RAB30: variants seen among roughly 807,000 people sequenced by gnomAD.
RAB30 encodes RAB30, member RAS oncogene family, also known as ras-related protein Rab-30.
In RAB30, 9 loss-of-function variants were observed where a neutral mutation model predicts 25.1. The observed-to-expected ratio is 0.36, with a 90% confidence interval of 0.22 to 0.63. The LOEUF is 0.63. Ranked by LOEUF, RAB30 falls within the 20% of genes least tolerant of loss-of-function variation. The pLI is 0.69. For missense variants in RAB30, 140 were observed against 243.5 expected, an observed-to-expected ratio of 0.58 and a Z score of 2.83; for synonymous variants, 77 against 86.4, an observed-to-expected ratio of 0.89 and a Z score of 0.60.
intron 1 of RAB30, among the ~76,000 whole-genome samples, chr11:83,056,165 AAAC>A (rs1858455810): frequency 6.6e-6 from 1 of 152,194 alleles, no homozygotes. Flanking sequence ...TACACCCACT[AAAC>A]AGCTTCCCAC....
At chr11:83,021,400 C>G (rs1366338558) in intron 1 of RAB30, among the ~76,000 whole-genome samples, 1 of 152,256 alleles carries the variant, frequency 6.6e-6, no homozygotes, top group East Asian at 1.9e-4. Flanking sequence ...CCTGTGGTTC[C>G]TGGTGCCTCC....
chr11:83,063,740 C>A (rs1343123913), intron 1 of RAB30, among the ~76,000 whole-genome samples: 2 of 152,186 alleles, frequency 1.3e-5, no homozygotes, highest in Non-Finnish European at 2.9e-5. Context: ...GAATTTAAAT[C>A]AGGGGGCAAT....
chr11:83,015,757 G>C (rs1311843418), intron 1 of RAB30, among the ~76,000 whole-genome samples: 4 of 152,220 alleles, frequency 2.6e-5, no homozygotes, highest in Non-Finnish European at 5.9e-5. Flanking sequence ...AAAGCTCAGA[G>C]AGGTAGGAAG....
rs1857237622 is a variant in RAB30, at chr11:83,008,620, T to C, written c.-8-11296A>G. 5.9e-5 allele frequency among the ~76,000 whole-genome samples: 9 copies of C among 152,314 alleles called. No individual in the cohort carries two copies. The South Asian group carries it at 1.9e-3, about 32-fold the overall frequency. Reference sequence around the variant, plus strand: ...TGCATTATCCTGGCAAATTCCTGTATCATGGCAAATTCTTATGCAGAAGAT... The same window carrying C: ...TGCATTATCCTGGCAAATTCCTGTACCATGGCAAATTCTTATGCAGAAGAT... On this transcript the variant is annotated intron_variant, in intron 1 of 4. Transcript: ENST00000527633.
At chr11:83,004,233 T>C (rs17144486) in intron 1 of RAB30, among the ~76,000 whole-genome samples, 5,360 of 152,280 alleles carry the variant, frequency 0.035, 332 homozygotes, top group African/African-American at 0.12. Flanking sequence ...TTGCCAGATA[T>C]AGTTTTTTAA....
At position 83,071,858 on chromosome 11, in the gene RAB30, A is replaced by C. The variant is rs1195951552; in HGVS notation, c.-176T>G. ...TCAGCTGGAGCGAGCGGCAATCGCAAGCCCAGCAGCAGCAGGGGGTGGAGA... is the reference window on the plus strand; with the variant it reads ...TCAGCTGGAGCGAGCGGCAATCGCACGCCCAGCAGCAGCAGGGGGTGGAGA... On this transcript the variant is annotated 5_prime_UTR_variant, in exon 1 of 5. Transcript: ENST00000527633. 1 of 373,162 alleles carries C rather than the reference A, an allele frequency of 2.7e-6. No individual in the cohort carries two copies. Among genetic ancestry groups the C allele is most frequent in the Non-Finnish European group, 4.7e-6 (1 of 210,758 alleles). The allele number at this position is 373,162 out of a possible 1,614,324, so 23.1% of individuals were successfully genotyped here.
At chr11:82,988,619 A>C (rs1360077009) in intron 3 of RAB30, among the ~76,000 whole-genome samples, 1 of 152,202 alleles carries the variant, frequency 6.6e-6, no homozygotes, top group Admixed American at 6.5e-5. Flanking sequence ...TCTAAGTCCT[A>C]ATAACTAATA....
chr11:82,992,934 T>G (rs886872081), intron 3 of RAB30, among the ~76,000 whole-genome samples: 1 of 152,170 alleles, frequency 6.6e-6, no homozygotes. Context: ...TTTGAAGACA[T>G]GGAGTCTCGC....
chr11:83,035,158 A>C (rs941175614), intron 1 of RAB30, among the ~76,000 whole-genome samples: 9 of 151,866 alleles, frequency 5.9e-5, no homozygotes, highest in Admixed American at 4.6e-4. Flanking sequence ...GATCAAGGTC[A>C]CTGCATCACC....
intron 1 of RAB30, among the ~76,000 whole-genome samples, chr11:83,000,287 G>A (rs1857049736): frequency 6.6e-6 from 1 of 152,162 alleles, no homozygotes; most frequent in Non-Finnish European, 1.5e-5. Flanking sequence ...AAAGATGGAT[G>A]AATTACATGA....
At chr11:83,064,757 T>C (rs961418569) in intron 1 of RAB30, among the ~76,000 whole-genome samples, 2 of 152,202 alleles carry the variant, frequency 1.3e-5, no homozygotes, top group African/African-American at 4.8e-5. Flanking sequence ...CATATACCAA[T>C]ATCTACAACG....
intron 1 of RAB30, among the ~76,000 whole-genome samples, chr11:83,009,434 A>G (rs1420954854): frequency 6.6e-6 from 1 of 152,198 alleles, no homozygotes. Flanking sequence ...CAAAAAGTCT[A>G]TGAAATCAAG....
At chr11:83,039,690 AGAG>A (rs1350773688) in intron 1 of RAB30, among the ~76,000 whole-genome samples, 1 of 152,180 alleles carries the variant, frequency 6.6e-6, no homozygotes, top group Non-Finnish European at 1.5e-5. Flanking sequence ...CAAAACTCTT[AGAG>A]GAGAGCTCTG....
At position 82,975,462 on chromosome 11, in the gene RAB30, C is replaced by A. The variant is rs550700959; in HGVS notation, c.*6703G>T. The stretch of plus-strand genomic sequence containing the variant: ...GTACATGAATTTTTTCTTTATTAGG[C>A]ATTTTGTATTCCAATTTTTGTTTTA... On this transcript the variant is annotated 3_prime_UTR_variant, in exon 5 of 5. Coordinates refer to ENST00000527633, the MANE Select transcript of RAB30 (RefSeq NM_001286060.2). The A allele has an allele frequency of 2.6e-5, 4 of 152,204 alleles. No homozygotes were observed. The East Asian group carries it at 5.8e-4, about 22-fold the overall frequency. The allele number at this position is 152,204 out of a possible 1,614,324, so 9.4% of individuals were successfully genotyped here. A position where few individuals can be genotyped will look rare whatever the true frequency, so the allele number is the denominator to read the frequency against.
intron 1 of RAB30, among the ~76,000 whole-genome samples, chr11:83,037,033 T>C (rs1290304950): frequency 2.1e-4 from 32 of 152,118 alleles, no homozygotes; most frequent in Non-Finnish European, 5.9e-5. Context: ...TTTAAAGAGA[T>C]AATTCTGGTT....
intron 1 of RAB30, among the ~76,000 whole-genome samples, chr11:83,042,540 G>A (rs879746528): frequency 1.6e-4 from 24 of 152,032 alleles, no homozygotes; most frequent in Admixed American, 1.5e-3. Flanking sequence ...GCAACAGAGC[G>A]AGACTCCATC....
At chr11:83,009,094 CAG>C (rs1351212598) in intron 1 of RAB30, among the ~76,000 whole-genome samples, 1 of 145,186 alleles carries the variant, frequency 6.9e-6, no homozygotes, top group East Asian at 2.0e-4. Flanking sequence ...TTTTTTTGAG[CAG>C]AGTTTCTCAT....
intron 1 of RAB30, among the ~76,000 whole-genome samples, chr11:83,035,873 T>TCA (rs367872646): frequency 6.6e-6 from 1 of 151,978 alleles, no homozygotes; most frequent in South Asian, 2.1e-4. Flanking sequence ...ATCTTATGGA[T>TCA]CACACACACA....
chr11:83,001,004 G>GC (rs1287097697), intron 1 of RAB30, among the ~76,000 whole-genome samples: 3 of 120,114 alleles, frequency 2.5e-5, no homozygotes, highest in African/African-American at 9.9e-5. Flanking sequence ...CTGAGATCGC[G>GC]CCACAGCACT....
Sources: gnomAD v4.1 joint callset for allele counts (sites outside exome capture counted in the v4.1 genomes callset) on GRCh38, gnomAD v4.1.1 for gene constraint, MANE v1.5 for transcripts, NCBI Gene and HGNC (gene_info 2026-07-23, HGNC 2026-07-21) for gene names.